The following CLTC variants were observed in gnomAD, a reference collection of about 807,000 sequenced individuals.
The protein encoded by CLTC is clathrin heavy chain.
A neutral mutation model predicts 195.8 loss-of-function variants in CLTC; 16 were observed. That is an observed-to-expected ratio of 0.08 (90% CI 0.06 to 0.12). The LOEUF (loss-of-function observed/expected upper bound fraction) is 0.12. Ranked by LOEUF, CLTC falls within the 10% of genes least tolerant of loss-of-function variation. The pLI, the probability that CLTC is intolerant of heterozygous loss-of-function variation, is 1.00. For missense variants in CLTC, 796 were observed against 2,027.0 expected (o/e 0.39, Z 11.66); for synonymous variants, 667 against 689.4 (o/e 0.97, Z 0.51).
rs1259952322 is a variant in CLTC, at chr17:59,695,497, T to A, written c.*1645T>A. ...ATGGTGACTCCATCTCTACTAAAAA[T>A]AAAAAATCAGCCAGGTGTGATGGTG... On this transcript the variant is annotated 3_prime_UTR_variant, in exon 32 of 32. Coordinates refer to ENST00000269122, the MANE Select transcript of CLTC (RefSeq NM_004859.4). 1 of 176,298 alleles carries A rather than the reference T, an allele frequency of 5.7e-6. No homozygotes were observed. Among genetic ancestry groups the A allele is most frequent in the Non-Finnish European group, 1.2e-5 (1 of 82,048 alleles). 10.9% of individuals were successfully genotyped at this position (176,298 alleles called of 1,614,324 possible).
At position 59,681,277 on chromosome 17, in the gene CLTC, T is replaced by C. The variant is rs1293212826; in HGVS notation, c.3066-18T>C. On this transcript the variant is annotated intron_variant, in intron 19 of 31. Coordinates refer to ENST00000269122, the MANE Select transcript of CLTC (RefSeq NM_004859.4). This position sits in a 1 kb window ranked among gnomAD's most constrained non-coding sequence, Gnocchi z 5.0. ...AACTTAAAATATTGCATTTAAAATA[T>C]TCTTTTTTTTCTTAAAGGAATCTGC... The C allele has an allele frequency of 3.8e-6, 6 of 1,583,226 alleles. No individual in the cohort carries two copies. Among genetic ancestry groups the C allele is most frequent in the Admixed American group, 1.9e-5 (1 of 54,026 alleles).
chr17:59,669,333 ATCTGT>A (rs1334407304), intron 14 of CLTC, among the ~76,000 whole-genome samples: 1 of 152,180 alleles, frequency 6.6e-6, no homozygotes, highest in Non-Finnish European at 1.5e-5. Flanking sequence ...AGGCAAAGGG[ATCTGT>A]TGTCTAAGGA....
intron 31 of CLTC, among the ~76,000 whole-genome samples, chr17:59,692,128 C>T (rs879312074): frequency 6.6e-6 from 1 of 152,116 alleles, no homozygotes; most frequent in African/African-American, 2.4e-5. Flanking sequence ...ACCATCCTGG[C>T]CAACATGGTG....
At chr17:59,642,747 C>T (rs780393898) in intron 1 of CLTC, among the ~76,000 whole-genome samples, 2 of 152,130 alleles carry the variant, frequency 1.3e-5, no homozygotes, top group South Asian at 2.1e-4. Context: ...TACTTTATTA[C>T]GATGTTTGTA....
At position 59,696,639 on chromosome 17, in the gene CLTC, A is replaced by C. The variant is rs2143631354; in HGVS notation, c.*2787A>C. On this transcript the variant is annotated 3_prime_UTR_variant, in exon 32 of 32. Transcript: ENST00000269122. ...CATAGTAATTATTAGGATTGTATCA[A>C]GTGTATCTAAAGATCAAAAGGGAAA... 4.7e-6 allele frequency: 1 copy of C among 212,490 alleles called. No individual in the cohort carries two copies. 13.2% of individuals were successfully genotyped at this position (212,490 alleles called of 1,614,324 possible). A position where few individuals can be genotyped will look rare whatever the true frequency, so the allele number is the denominator to read the frequency against.
At chr17:59,634,505 AG>A (rs1484220026) in intron 1 of CLTC, among the ~76,000 whole-genome samples, 4 of 152,212 alleles carry the variant, frequency 2.6e-5, no homozygotes, top group Non-Finnish European at 5.9e-5. Context: ...GTTGATTACA[AG>A]TAGGAAAAAT....
At chr17:59,684,751 C>G (rs2033144771) in intron 28 of CLTC, among the ~76,000 whole-genome samples, 1 of 144,204 alleles carries the variant, frequency 6.9e-6, no homozygotes, top group African/African-American at 2.6e-5. Context: ...TTGCAGTGAG[C>G]CCAGATTGCA....
intron 5 of CLTC, among the ~76,000 whole-genome samples, chr17:59,652,392 A>T (rs1167805197): frequency 6.6e-6 from 1 of 152,226 alleles, no homozygotes; most frequent in Non-Finnish European, 1.5e-5. Flanking sequence ...TACTTTGCCC[A>T]GATCCATCAG....
Position 59,648,493 on chromosome 17 carries a change from C to T in CLTC, c.681+92C>T. 2 of 1,194,598 alleles carry T rather than the reference C, an allele frequency of 1.7e-6. No homozygotes were observed. Among genetic ancestry groups the T allele is most frequent in the South Asian group, 1.6e-5 (1 of 60,824 alleles). The allele number at this position is 1,194,598 out of a possible 1,614,324, so 74.0% of individuals were successfully genotyped here. Reference sequence around the variant, plus strand: ...ATCTAATTTCAAAATAGCCTTCTCCCTTCCTAAGTAATTTTAGTATTCACA... The same window carrying T: ...ATCTAATTTCAAAATAGCCTTCTCCTTTCCTAAGTAATTTTAGTATTCACA... On this transcript the variant is annotated intron_variant, in intron 4 of 31. Transcript: ENST00000269122. This position sits in a 1 kb window ranked among gnomAD's most constrained non-coding sequence, Gnocchi z 4.5.
At chr17:59,655,116 T>C (rs1212304273) in intron 5 of CLTC, among the ~76,000 whole-genome samples, 1 of 152,254 alleles carries the variant, frequency 6.6e-6, no homozygotes, top group Non-Finnish European at 1.5e-5. Context: ...CCATTCAGCC[T>C]ATCTTGGCCT....
Position 59,694,800 on chromosome 17 carries a change from T to C in CLTC, c.*948T>C. 4.4e-6 allele frequency: 1 copy of C among 226,582 alleles called. No individual in the cohort carries two copies. Among genetic ancestry groups the C allele is most frequent in the Non-Finnish European group, 8.8e-6 (1 of 113,862 alleles). The allele number at this position is 226,582 out of a possible 1,614,324, so 14.0% of individuals were successfully genotyped here. Reference sequence around the variant, plus strand: ...AATTGAAGTTTTAATTAAATACCACTCAAACGAAAAGAACAGTAGTTTTTG... The same window carrying C: ...AATTGAAGTTTTAATTAAATACCACCCAAACGAAAAGAACAGTAGTTTTTG... On this transcript the variant is annotated 3_prime_UTR_variant, in exon 32 of 32. Transcript: ENST00000269122.
rs372990420 is a variant in CLTC at position 59,666,430 on chromosome 17, C to G, written c.1783-50C>G. The G allele has an allele frequency of 1.3e-6, 2 of 1,585,222 alleles. No individual in the cohort carries two copies. The highest frequency in any genetic ancestry group is 1.1e-5 in the South Asian group (1 of 88,278). On this transcript the variant is annotated intron_variant, in intron 11 of 31. Coordinates refer to ENST00000269122, the MANE Select transcript of CLTC (RefSeq NM_004859.4). This position sits in a 1 kb window ranked among gnomAD's most constrained non-coding sequence, Gnocchi z 4.9. ...AATCTGTAATACGGATATTGAATTA[C>G]TCATGTAAGTGGAGTGGACAATAAA...
intron 30 of CLTC, chr17:59,686,877 TTC>T (rs2033196277): frequency 2.1e-6 from 1 of 465,646 alleles, no homozygotes; most frequent in South Asian, 9.1e-5. Context: ...TTATTTTCAC[TTC>T]TCTCATACCT....
At chr17:59,637,031 C>T (rs1317749254) in intron 1 of CLTC, among the ~76,000 whole-genome samples, 2 of 151,234 alleles carry the variant, frequency 1.3e-5, no homozygotes, top group Non-Finnish European at 2.9e-5. Flanking sequence ...ATCCACCCAC[C>T]TTAGCCTCCC....
At chr17:59,664,558 A>G in intron 9 of CLTC, 1 of 381,192 alleles carries the variant, frequency 2.6e-6, no homozygotes, top group South Asian at 3.8e-5. Flanking sequence ...CTCAAAAAAA[A>G]AAAAAAAAAG....
intron 9 of CLTC, 51 bp downstream of exon 9, chr17:59,664,045 G>A (rs775317684): frequency 6.7e-7 from 1 of 1,501,736 alleles, no homozygotes; most frequent in South Asian, 1.2e-5. Flanking sequence ...AGCATTGACA[G>A]AGAAATTAGC....
chr17:59,658,559 T>C (rs767487468), intron 6 of CLTC: 3 of 152,238 alleles, frequency 2.0e-5, no homozygotes, highest in Non-Finnish European at 4.4e-5. Context: ...CAACTTGGCA[T>C]ATTCCCTGAA....
At chr17:59,626,697 T>C (rs1022618628) in intron 1 of CLTC, among the ~76,000 whole-genome samples, 2 of 152,218 alleles carry the variant, frequency 1.3e-5, no homozygotes, top group Admixed American at 6.5e-5. Context: ...ACCTGTCTTC[T>C]GAGCCACAGC....
intron 5 of CLTC, 57 bp downstream of exon 5, chr17:59,651,373 C>T: frequency 8.9e-7 from 1 of 1,124,666 alleles, no homozygotes; most frequent in Non-Finnish European, 1.3e-6. Flanking sequence ...AAGAAATTAA[C>T]CCAAAGACTA....
Sources: allele counts gnomAD v4.1 joint callset (sites outside exome capture counted in the v4.1 genomes callset), GRCh38; gene constraint gnomAD v4.1.1; non-coding constraint Gnocchi (gnomAD v3.1); transcripts MANE v1.5; gene names NCBI Gene and HGNC (gene_info 2026-07-23, HGNC 2026-07-21).